Variants in RTL4 observed in about 807,000 individuals in gnomAD.
The protein encoded by RTL4 is retrotransposon Gag like 4.
In RTL4, 4 loss-of-function variants were observed where a neutral mutation model predicts 5.3. The observed-to-expected ratio is 0.75, with a 90% confidence interval of 0.37 to 1.72. RTL4 has a LOEUF of 1.72. Ranked by LOEUF, RTL4 falls within the 40% of genes most tolerant of loss-of-function variation. The pLI is 0.04. For synonymous variants in RTL4, 98 were observed against 87.3 expected, an observed-to-expected ratio of 1.12 and a Z score of -0.68; for missense variants, 260 against 227.1, an observed-to-expected ratio of 1.14 and a Z score of -0.93.
At chrX:112,424,303 C>A in the RTL4 span, among the ~76,000 whole-genome samples, 1 of 111,830 alleles carries the variant, frequency 8.9e-6, no homozygotes, top group African/African-American at 3.2e-5. Flanking sequence ...TTGGCTTTAA[C>A]AGAATTATTT....
chrX:112,304,474 C>T, the RTL4 span, among the ~76,000 whole-genome samples: 1 of 110,216 alleles, frequency 9.1e-6, no homozygotes, highest in African/African-American at 3.3e-5. Context: ...TTTTAAAGGA[C>T]CTGTTCCTGA....
chrX:112,198,796 T>G, the RTL4 span, among the ~76,000 whole-genome samples: 2 of 110,716 alleles, frequency 1.8e-5, no homozygotes, highest in Non-Finnish European at 3.8e-5. Context: ...ATAGAGCATG[T>G]GATGAAAATT....
Position 112,455,545 on chromosome X carries a change from CGCCAGCAAGAAACTCA to C in RTL4, c.819_834del (p.Gln274CysfsTer49). ...GCCTCTCACCCCAGCCAAACGAGCC[CGCCAGCAAGAAACTCA>C]GTTGTGCCTCTACTGCAGCCAATCT... is the stretch of plus-strand genomic sequence containing the variant. On this transcript the variant is annotated frameshift_variant, in exon 1 of 1. Transcript: ENST00000340433. LOFTEE classifies it high-confidence loss of function. 1 of 1,211,477 alleles carries C rather than the reference CGCCAGCAAGAAACTCA, an allele frequency of 8.3e-7. No homozygotes were observed. Among genetic ancestry groups the C allele is most frequent in the Non-Finnish European group, 1.1e-6 (1 of 895,478 alleles).
At chrX:112,106,872 T>C in the RTL4 span, among the ~76,000 whole-genome samples, 1 of 112,087 alleles carries the variant, frequency 8.9e-6, no homozygotes, top group Non-Finnish European at 1.9e-5. Flanking sequence ...TTTTTCTTTG[T>C]TTTGCTATTT....
the RTL4 span, among the ~76,000 whole-genome samples, chrX:112,325,667 C>T: frequency 1.1e-4 from 12 of 112,357 alleles, no homozygotes; most frequent in East Asian, 3.1e-3. Flanking sequence ...GGATTAAAGA[C>T]TTAAATGTTA....
the RTL4 span, among the ~76,000 whole-genome samples, chrX:112,399,963 T>C: frequency 9.0e-6 from 1 of 111,636 alleles, no homozygotes; most frequent in Non-Finnish European, 1.9e-5. Flanking sequence ...TGAAGAGATA[T>C]CTGCTGTCAT....
the RTL4 span, among the ~76,000 whole-genome samples, chrX:112,146,205 T>C: frequency 9.0e-6 from 1 of 111,287 alleles, no homozygotes; most frequent in East Asian, 2.8e-4. Flanking sequence ...TTGCGAATTT[T>C]GGAGGCATAA....
At chrX:112,165,413 T>C in the RTL4 span, among the ~76,000 whole-genome samples, 1 of 111,633 alleles carries the variant, frequency 9.0e-6, no homozygotes, top group Non-Finnish European at 1.9e-5. Flanking sequence ...CAGATTGAGA[T>C]GAACTGCCCT....
the RTL4 span, among the ~76,000 whole-genome samples, chrX:112,378,232 G>C: frequency 9.0e-6 from 1 of 111,074 alleles, no homozygotes; most frequent in Non-Finnish European, 1.9e-5. Context: ...GGTTGGCTGA[G>C]GGGTGAGGAA....
chrX:112,226,989 C>T, the RTL4 span, among the ~76,000 whole-genome samples: 258 of 95,702 alleles, frequency 2.7e-3, 5 homozygotes, highest in African/African-American at 8.7e-3. Context: ...TAAAATAAAA[C>T]AAAATAAAAT....
the RTL4 span, among the ~76,000 whole-genome samples, chrX:112,178,126 G>C: frequency 5.4e-5 from 6 of 110,896 alleles, no homozygotes; most frequent in Non-Finnish European, 9.4e-5. Flanking sequence ...GCTGAAGGTA[G>C]GAAATCCAAT....
the RTL4 span, among the ~76,000 whole-genome samples, chrX:112,219,135 T>C: frequency 3.6e-5 from 4 of 111,785 alleles, no homozygotes; most frequent in African/African-American, 1.3e-4. Context: ...AAAATGGTGA[T>C]ATCTTAACAT....
At chrX:112,370,767 A>C in the RTL4 span, among the ~76,000 whole-genome samples, 8 of 111,165 alleles carry the variant, frequency 7.2e-5, no homozygotes, top group Admixed American at 9.6e-5. Flanking sequence ...ACTGAGAAGC[A>C]TTCCTCTCTT....
the RTL4 span, among the ~76,000 whole-genome samples, chrX:112,398,710 A>G: frequency 2.7e-5 from 3 of 111,249 alleles, no homozygotes; most frequent in Non-Finnish European, 3.8e-5. Flanking sequence ...GTTGGATCAG[A>G]TTTTCTAAAA....
chrX:112,337,300 T>G, the RTL4 span, among the ~76,000 whole-genome samples: 3 of 112,075 alleles, frequency 2.7e-5, no homozygotes, highest in African/African-American at 9.7e-5. Context: ...AATTTATTTT[T>G]GGGGATGGAA....
the RTL4 span, among the ~76,000 whole-genome samples, chrX:112,125,929 G>A: frequency 8.9e-6 from 1 of 111,787 alleles, no homozygotes; most frequent in East Asian, 2.8e-4. Flanking sequence ...CAAACTGGGG[G>A]TCTGGAGCTT....
At chrX:112,284,874 G>A in the RTL4 span, among the ~76,000 whole-genome samples, 1 of 111,608 alleles carries the variant, frequency 9.0e-6, no homozygotes, top group East Asian at 2.8e-4. Flanking sequence ...ATTCTTAACT[G>A]TTGAAAATTA....
At chrX:112,386,099 GTTTTA>G in the RTL4 span, among the ~76,000 whole-genome samples, 5,343 of 111,523 alleles carry the variant, frequency 0.048, 217 homozygotes, top group African/African-American at 0.13. Context: ...TTTTACAATA[GTTTTA>G]TTTTATGTTT....
At chrX:112,320,328 T>C in the RTL4 span, 1 of 110,883 alleles carries the variant, frequency 9.0e-6, no homozygotes, top group Non-Finnish European at 1.9e-5. Flanking sequence ...TGACCATTTT[T>C]GAAGCTGTTT....
Sources: allele counts gnomAD v4.1 joint callset (sites outside exome capture counted in the v4.1 genomes callset), GRCh38; gene constraint gnomAD v4.1.1; transcripts MANE v1.5; gene names NCBI Gene and HGNC (gene_info 2026-07-23, HGNC 2026-07-21).